The following LRRC4C variants were observed in gnomAD, a reference collection of about 807,000 sequenced individuals.
LRRC4C encodes the protein leucine-rich repeat-containing protein 4C.
In LRRC4C, 5 loss-of-function variants were observed where a neutral mutation model predicts 33.6. The ratio of observed to expected loss-of-function variants is 0.15; its 90% CI spans 0.08 to 0.31. The LOEUF is 0.31. Ranked by LOEUF, LRRC4C falls within the 10% of genes least tolerant of loss-of-function variation. The pLI, the probability that LRRC4C is intolerant of heterozygous loss-of-function variation, is 1.00. For missense variants in LRRC4C, 560 were observed against 796.7 expected (o/e 0.70, Z 3.58); for synonymous variants, 329 against 302.0 (o/e 1.09, Z -0.93).
At chr11:40,942,801 G>A (rs1958215915) in intron 1 of LRRC4C, among the ~76,000 whole-genome samples, 1 of 152,146 alleles carries the variant, frequency 6.6e-6, no homozygotes, top group Non-Finnish European at 1.5e-5. Flanking sequence ...GGAGATACTA[G>A]TAATAAAGAA....
At chr11:41,213,472 C>T (rs1175063786) in intron 1 of LRRC4C, among the ~76,000 whole-genome samples, 1 of 152,120 alleles carries the variant, frequency 6.6e-6, no homozygotes, top group Non-Finnish European at 1.5e-5. Flanking sequence ...TTTAAGCATC[C>T]ATCACTAACC....
intron 1 of LRRC4C, among the ~76,000 whole-genome samples, chr11:41,062,013 C>A (rs917540454): frequency 1.3e-5 from 2 of 152,160 alleles, no homozygotes; most frequent in African/African-American, 4.8e-5. Flanking sequence ...CCTCTTGGTC[C>A]TTTACACTGC....
chr11:40,614,032 G>A (rs75253386), intron 3 of LRRC4C, among the ~76,000 whole-genome samples: 5,671 of 151,784 alleles, frequency 0.037, 344 homozygotes, highest in African/African-American at 0.13. Flanking sequence ...CTGGGCTGTA[G>A]GAGTTTCAGA....
rs182670240 is a variant in LRRC4C at position 40,629,555 on chromosome 11, A to G, written c.-270+18587T>C. Among the ~76,000 whole-genome samples the G allele has an allele frequency of 1.8e-4, 27 of 152,348 alleles. No homozygotes were observed. The East Asian group carries it at 4.2e-3, about 24-fold the overall frequency. On this transcript the variant is annotated intron_variant, in intron 3 of 6. Transcript: ENST00000528697. ...CTAATCACACTAGAACATGTGCTTCAGAAAATGCACTTTCTGCTGACAAGA... is the reference window on the plus strand; with the variant it reads ...CTAATCACACTAGAACATGTGCTTCGGAAAATGCACTTTCTGCTGACAAGA...
At chr11:40,388,331 A>G (rs1949195567) in intron 3 of LRRC4C, among the ~76,000 whole-genome samples, 4 of 152,108 alleles carry the variant, frequency 2.6e-5, no homozygotes. Flanking sequence ...GCCTTGTTTT[A>G]TTGAGCTCAG....
rs1175300512 is a variant in LRRC4C at position 40,924,878 on chromosome 11, T to C, written c.-407+8757A>G. 3.9e-5 allele frequency among the ~76,000 whole-genome samples: 6 copies of C among 152,236 alleles called. No homozygotes were observed. In the South Asian group the frequency reaches 8.3e-4, roughly 21 times the overall value. ...GAGGGACCTCCTCCATAGAGCAAAA[T>C]TGCAGTTAATCAAGGAACATACTCA... On this transcript the variant is annotated intron_variant, in intron 2 of 6. Coordinates refer to ENST00000528697, the MANE Select transcript of LRRC4C (RefSeq NM_001258419.2).
At chr11:40,299,217 G>A (rs977720297) in intron 4 of LRRC4C, among the ~76,000 whole-genome samples, 15 of 152,258 alleles carry the variant, frequency 9.9e-5, no homozygotes, top group Middle Eastern at 3.4e-3. Flanking sequence ...CCTCAATTAC[G>A]TGCCAAGCAT....
chr11:40,115,048 A>G lies in LRRC4C; in HGVS notation c.1245T>C (p.Asn415=), dbSNP rs1341738868. Residue 415 remains asparagine, a synonymous_variant, in exon 7 of 7, where the codon AAT becomes AAC. Coordinates refer to ENST00000528697, the MANE Select transcript of LRRC4C (RefSeq NM_001258419.2). This position sits in a 1 kb window ranked among gnomAD's most constrained non-coding sequence, Gnocchi z 6.7. The part of the protein sequence containing the change: ...VLSDGTLNFT[N]VTVQDTGMYT... ...ACATGCCTGTATCTTGCACAGTTACATTTGTGAAATTTAACGTACCATCAC... is the reference window on the plus strand; with the variant it reads ...ACATGCCTGTATCTTGCACAGTTACGTTTGTGAAATTTAACGTACCATCAC... 2 of 1,614,240 alleles carry G rather than the reference A, an allele frequency of 1.2e-6. No homozygotes were observed. The highest frequency in any genetic ancestry group is 2.2e-5 in the East Asian group (1 of 44,880).
intron 1 of LRRC4C, among the ~76,000 whole-genome samples, chr11:41,240,645 T>C (rs1948212993): frequency 6.6e-6 from 1 of 152,178 alleles, no homozygotes; most frequent in Admixed American, 6.5e-5. Flanking sequence ...AAGTGGATTC[T>C]TAATTGATTC....
At chr11:41,255,044 T>C (rs1948755774) in intron 1 of LRRC4C, among the ~76,000 whole-genome samples, 1 of 152,020 alleles carries the variant, frequency 6.6e-6, no homozygotes, top group African/African-American at 2.4e-5. Flanking sequence ...CCTGAGTTTC[T>C]TGCAAGGGTA....
At chr11:40,988,708 CTTTTCTT>C (rs1372524635) in intron 1 of LRRC4C, among the ~76,000 whole-genome samples, 1 of 107,062 alleles carries the variant, frequency 9.3e-6, no homozygotes, top group African/African-American at 3.4e-5. Flanking sequence ...CCTTTCTTTT[CTTTTCTT>C]TTTTTTTTTT....
chr11:41,448,190 G>A (rs1955899248), intron 1 of LRRC4C, among the ~76,000 whole-genome samples: 1 of 130,384 alleles, frequency 7.7e-6, no homozygotes, highest in Non-Finnish European at 1.6e-5. Flanking sequence ...TTAAAATTGA[G>A]AAATGATTAC....
chr11:41,080,342 C>CTTTTTTTTTTT (rs71060997), intron 1 of LRRC4C, among the ~76,000 whole-genome samples: 22 of 103,446 alleles, frequency 2.1e-4, no homozygotes, highest in Non-Finnish European at 2.3e-4. Context: ...GAGTCTCCTC[C>CTTTTTTTTTTT]TTTTTTTTTT....
At chr11:40,264,837 A>T (rs780373155) in intron 4 of LRRC4C, among the ~76,000 whole-genome samples, 7 of 152,156 alleles carry the variant, frequency 4.6e-5, no homozygotes, top group Non-Finnish European at 7.3e-5. Context: ...CAGTCTGCCC[A>T]TCTCTTTCAA....
At chr11:40,268,567 C>T (rs1172885422) in intron 4 of LRRC4C, among the ~76,000 whole-genome samples, 3 of 151,674 alleles carry the variant, frequency 2.0e-5, no homozygotes, top group Non-Finnish European at 4.4e-5. Flanking sequence ...ATATTAAAGA[C>T]ATAAATAAGC....
chr11:41,395,249 T>C lies in LRRC4C; in HGVS notation c.-496+64182A>G, dbSNP rs1953762400. Among the ~76,000 whole-genome samples the C allele has an allele frequency of 3.3e-5, 5 of 152,134 alleles. No homozygotes were observed. The South Asian group carries it at 1.0e-3, about 32-fold the overall frequency. The stretch of plus-strand genomic sequence containing the variant: ...TGTGAACACCTCTTGTGTACACCAA[T>C]AAAAGCTTCTTAGATTGAAGCAACT... On this transcript the variant is annotated intron_variant, in intron 1 of 6. Transcript: ENST00000528697.
chr11:40,702,585 A>G (rs1945920567), intron 2 of LRRC4C, among the ~76,000 whole-genome samples: 1 of 152,134 alleles, frequency 6.6e-6, no homozygotes, highest in Admixed American at 6.6e-5. Flanking sequence ...CACTAACAAG[A>G]TGGCGTCCAT....
chr11:40,766,353 T>TA (rs60152534), intron 2 of LRRC4C, among the ~76,000 whole-genome samples: 12,012 of 33,766 alleles, frequency 0.36, 3,422 homozygotes, highest in Non-Finnish European at 0.44. Context: ...TTCAGTCTGT[T>TA]AAAAAAAAAA....
chr11:40,418,926 G>A (rs1276310129), intron 3 of LRRC4C, among the ~76,000 whole-genome samples: 1 of 152,188 alleles, frequency 6.6e-6, no homozygotes, highest in East Asian at 1.9e-4. Context: ...TAAACAATGA[G>A]AACACATGAA....
Sources: allele counts gnomAD v4.1 joint callset (sites outside exome capture counted in the v4.1 genomes callset), GRCh38; gene constraint gnomAD v4.1.1; non-coding constraint Gnocchi (gnomAD v3.1); transcripts MANE v1.5; gene names NCBI Gene and HGNC (gene_info 2026-07-23, HGNC 2026-07-21).